Variants in DCAF1 observed in about 807,000 individuals in gnomAD.
DCAF1 encodes DDB1- and CUL4-associated factor 1.
DCAF1 carries 15 observed loss-of-function variants against 128.0 expected under a neutral mutation model. That is an observed-to-expected ratio of 0.12 (90% CI 0.08 to 0.18). The LOEUF is 0.18. Ranked by LOEUF, DCAF1 falls within the 10% of genes least tolerant of loss-of-function variation. DCAF1 has a pLI of 1.00. For synonymous variants in DCAF1, 610 were observed against 603.0 expected (o/e 1.01, Z -0.17); for missense variants, 988 against 1,649.5 (o/e 0.60, Z 6.95).
intron 3 of DCAF1, among the ~76,000 whole-genome samples, chr3:51,481,260 T>A (rs1045721751): frequency 5.3e-5 from 8 of 152,166 alleles, no homozygotes; most frequent in Non-Finnish European, 1.2e-4. Flanking sequence ...AATGTAGGTA[T>A]GAATGAAGGT....
At chr3:51,490,587 T>C (rs575571249) in intron 2 of DCAF1, among the ~76,000 whole-genome samples, 1 of 152,228 alleles carries the variant, frequency 6.6e-6, no homozygotes, top group South Asian at 2.1e-4. Context: ...AAGATGGTAA[T>C]ACATTCCAAC....
chr3:51,442,142 T>C (rs1701416923), intron 7 of DCAF1, among the ~76,000 whole-genome samples: 1 of 152,132 alleles, frequency 6.6e-6, no homozygotes, highest in African/African-American at 2.4e-5. Context: ...ATAAAATACA[T>C]CATTGACAAC....
At chr3:51,484,927 T>G (rs1219131502) in intron 2 of DCAF1, among the ~76,000 whole-genome samples, 1 of 150,644 alleles carries the variant, frequency 6.6e-6, no homozygotes, top group East Asian at 1.9e-4. Flanking sequence ...GTTTTGTTTT[T>G]TTTTTGAGAC....
At chr3:51,499,606 G>A (rs1419312478) in intron 1 of DCAF1, among the ~76,000 whole-genome samples, 1 of 151,578 alleles carries the variant, frequency 6.6e-6, no homozygotes, top group Non-Finnish European at 1.5e-5. Context: ...CACTCCGGGC[G>A]GAAGAGTTAC....
chr3:51,480,685 A>T (rs1453776537), intron 3 of DCAF1, among the ~76,000 whole-genome samples: 6 of 151,720 alleles, frequency 4.0e-5, no homozygotes, highest in Admixed American at 1.3e-4. Flanking sequence ...CCTTTTTCTC[A>T]TCCTGTGGGG....
chr3:51,471,803 G>A (rs1402022743), intron 3 of DCAF1, among the ~76,000 whole-genome samples: 4 of 151,958 alleles, frequency 2.6e-5, no homozygotes, highest in African/African-American at 9.7e-5. Flanking sequence ...GGAGGTGGAG[G>A]TTGCGGTGAG....
At chr3:51,406,356 A>AC (rs1239068586) in intron 23 of DCAF1, among the ~76,000 whole-genome samples, 5 of 151,422 alleles carry the variant, frequency 3.3e-5, no homozygotes, top group Admixed American at 2.0e-4. Context: ...AAAAAAAAAA[A>AC]AAAAAAAAAC....
intron 2 of DCAF1, among the ~76,000 whole-genome samples, chr3:51,489,316 C>T (rs1707345391): frequency 6.6e-6 from 1 of 151,622 alleles, no homozygotes; most frequent in Non-Finnish European, 1.5e-5. Flanking sequence ...ACCTGTAATC[C>T]CAGGTATTCA....
At chr3:51,445,989 CTTTTTTTTTT>C (rs782164524) in intron 6 of DCAF1, among the ~76,000 whole-genome samples, 2 of 117,632 alleles carry the variant, frequency 1.7e-5, no homozygotes, top group Non-Finnish European at 3.6e-5. Flanking sequence ...AACCTAAGTT[CTTTTTTTTTT>C]TTTTTTTTTT....
chr3:51,466,498 G>A (rs554404845), intron 5 of DCAF1, among the ~76,000 whole-genome samples: 102 of 152,264 alleles, frequency 6.7e-4, no homozygotes, highest in African/African-American at 2.4e-3. Context: ...ACCCCACAGT[G>A]TCAGTGCAGA....
At chr3:51,498,291 C>G (rs1410831093) in intron 1 of DCAF1, among the ~76,000 whole-genome samples, 1 of 145,680 alleles carries the variant, frequency 6.9e-6, no homozygotes, top group African/African-American at 2.5e-5. Context: ...ACCTGGGAGG[C>G]GGAGGTTGCA....
chr3:51,478,959 T>C (rs1553651666), intron 3 of DCAF1, among the ~76,000 whole-genome samples: 1 of 152,204 alleles, frequency 6.6e-6, no homozygotes, highest in African/African-American at 2.4e-5. Flanking sequence ...TATAGTTCTT[T>C]CTCCATAAAA....
intron 23 of DCAF1, among the ~76,000 whole-genome samples, chr3:51,409,174 G>T (rs1226521638): frequency 6.6e-6 from 1 of 152,180 alleles, no homozygotes; most frequent in Non-Finnish European, 1.5e-5. Flanking sequence ...AAAAGAAGAA[G>T]AATTAGTCAG....
In DCAF1 at chr3:51,427,560, A is replaced by AGCT; in HGVS notation, c.1678-20_1678-19insAGC. ...AGCATGCCTATAAGGAGAGATATAT[A>AGCT]GTATTATTATTATATATAACTCTAC... On this transcript the variant is annotated intron_variant, in intron 12 of 24. Coordinates refer to ENST00000684031, the MANE Select transcript of DCAF1 (RefSeq NM_001387579.1). 1 of 628,770 alleles carries AGCT rather than the reference A, an allele frequency of 1.6e-6. No individual in the cohort carries two copies. The highest frequency in any genetic ancestry group is 1.9e-5 in the South Asian group (1 of 51,470). The allele number at this position is 628,770 out of a possible 1,614,324, so 38.9% of individuals were successfully genotyped here. A position where few individuals can be genotyped will look rare whatever the true frequency, so the allele number is the denominator to read the frequency against.
chr3:51,452,903 T>C (rs1553641825), intron 6 of DCAF1, among the ~76,000 whole-genome samples: 1 of 151,744 alleles, frequency 6.6e-6, no homozygotes, highest in Admixed American at 6.6e-5. Flanking sequence ...TAATCCCAGC[T>C]ACTCAGGAAG....
At chr3:51,418,594 C>G in intron 16 of DCAF1, 84 bp downstream of exon 16, 1 of 1,510,680 alleles carries the variant, frequency 6.6e-7, no homozygotes, top group Non-Finnish European at 8.8e-7. Context: ...AGAGAGAGCT[C>G]AATAAAGGGT....
upstream of DCAF1, among the ~76,000 whole-genome samples, chr3:51,501,733 G>C (rs1311712485): frequency 6.6e-6 from 1 of 152,166 alleles, no homozygotes; most frequent in Non-Finnish European, 1.5e-5. Context: ...GAGCGCCACA[G>C]ACATGTCACC....
chr3:51,475,349 C>T (rs1046995711), intron 3 of DCAF1, among the ~76,000 whole-genome samples: 3 of 152,034 alleles, frequency 2.0e-5, no homozygotes, highest in Non-Finnish European at 2.9e-5. Context: ...TGCCTATAAT[C>T]CCAGCACTTT....
chr3:51,437,876 T>A (rs1553637360), intron 9 of DCAF1, among the ~76,000 whole-genome samples: 1 of 151,114 alleles, frequency 6.6e-6, no homozygotes, highest in Admixed American at 6.6e-5. Context: ...GTCTAGTCAC[T>A]ACGCCAGAAA....
Sources: allele counts gnomAD v4.1 joint callset (sites outside exome capture counted in the v4.1 genomes callset), GRCh38; gene constraint gnomAD v4.1.1; transcripts MANE v1.5; gene names NCBI Gene and HGNC (gene_info 2026-07-23, HGNC 2026-07-21).